CBL: variants seen among roughly 807,000 people sequenced by gnomAD.
The protein encoded by CBL is Cbl proto-oncogene.
CBL carries 45 observed loss-of-function variants against 96.9 expected under a neutral mutation model. The observed-to-expected ratio is 0.46, with a 90% CI of 0.37 to 0.60. CBL has a LOEUF of 0.60. CBL is among the 20% of genes least tolerant of loss of function. The pLI, the probability that CBL is intolerant of heterozygous loss-of-function variation, is 0.00. For synonymous variants in CBL, 420 were observed against 426.8 expected, an observed-to-expected ratio of 0.98 and a Z score of 0.20; for missense variants, 1,024 against 1,143.5, an observed-to-expected ratio of 0.90 and a Z score of 1.51.
At chr11:119,258,260 T>A (rs1196901465) in intron 2 of CBL, among the ~76,000 whole-genome samples, 2 of 151,936 alleles carry the variant, frequency 1.3e-5, no homozygotes, top group African/African-American at 4.8e-5. Flanking sequence ...ACAAAAAGAC[T>A]TGAGACTGTA....
chr11:119,247,585 C>T (rs890559249), intron 2 of CBL, among the ~76,000 whole-genome samples: 6 of 152,084 alleles, frequency 3.9e-5, no homozygotes, highest in African/African-American at 7.2e-5. Flanking sequence ...CCGAGGCAGA[C>T]GGATTGCTTG....
At chr11:119,211,797 C>T (rs1244262737) in intron 1 of CBL, among the ~76,000 whole-genome samples, 2 of 151,944 alleles carry the variant, frequency 1.3e-5, no homozygotes, top group Non-Finnish European at 2.9e-5. Context: ...AGCCACTGTG[C>T]CCGGTTGTTG....
intron 2 of CBL, among the ~76,000 whole-genome samples, chr11:119,246,529 G>A (rs111584689): frequency 0.016 from 2,422 of 152,116 alleles, 57 homozygotes; most frequent in African/African-American, 0.055. Context: ...TCAGCTCACC[G>A]CAACCTCCGC....
intron 2 of CBL, among the ~76,000 whole-genome samples, chr11:119,264,475 CTCTTT>C (rs769691063): frequency 1.0e-4 from 15 of 144,910 alleles, no homozygotes; most frequent in South Asian, 2.2e-4. Context: ...TTCTTCTTTT[CTCTTT>C]TCTTTTCTTT....
intron 9 of CBL, among the ~76,000 whole-genome samples, chr11:119,283,250 T>C (rs1244632793): frequency 6.6e-6 from 1 of 152,256 alleles, no homozygotes; most frequent in African/African-American, 2.4e-5. Flanking sequence ...CTTTTGTCAT[T>C]GAGCTGTTTA....
intron 9 of CBL, among the ~76,000 whole-genome samples, chr11:119,280,318 T>C (rs932540354): frequency 1.3e-5 from 2 of 152,200 alleles, no homozygotes; most frequent in Admixed American, 1.3e-4. Flanking sequence ...TGGTATTTTG[T>C]TTTTTAGCTG....
intron 9 of CBL, among the ~76,000 whole-genome samples, chr11:119,282,251 T>C (rs1326120494): frequency 6.6e-6 from 1 of 150,892 alleles, no homozygotes; most frequent in Non-Finnish European, 1.5e-5. Context: ...GGCCAGAGAA[T>C]GGCTTGAACC....
chr11:119,210,601 CA>C (rs1949308333), intron 1 of CBL, among the ~76,000 whole-genome samples: 4 of 120,576 alleles, frequency 3.3e-5, no homozygotes, highest in South Asian at 2.8e-4. Flanking sequence ...GCTAATTTTT[CA>C]ATTTTTTTTT....
At chr11:119,266,018 C>CAAAAAAAAAAAAAAAA (rs398017759) in intron 2 of CBL, among the ~76,000 whole-genome samples, 1 of 76,012 alleles carries the variant, frequency 1.3e-5, no homozygotes, top group African/African-American at 5.4e-5. Flanking sequence ...GACTCCATCT[C>CAAAAAAAAAAAAAAAA]AAAAAAAAAA....
intron 8 of CBL, 76 bp from the exon 9 acceptor site, chr11:119,278,434 G>A: frequency 6.5e-7 from 1 of 1,528,974 alleles, no homozygotes; most frequent in Non-Finnish European, 9.1e-7. Context: ...TGATCTCTAG[G>A]AAATGTATTT....
chr11:119,301,928 C>G lies in CBL; in HGVS notation c.*2147C>G, dbSNP rs574006776. 7.7e-5 allele frequency: 18 copies of G among 233,180 alleles called. No homozygotes were observed. The Middle Eastern group carries it at 3.8e-3, about 49-fold the overall frequency. The allele number at this position is 233,180 out of a possible 1,614,324, so 14.4% of individuals were successfully genotyped here. A position where few individuals can be genotyped will look rare whatever the true frequency, so the allele number is the denominator to read the frequency against. The stretch of plus-strand genomic sequence containing the variant: ...AAAAAAAAGCAGTTTCCAGGCCCAT[C>G]CATATTGTAATTTTTCTTTATCTGC... On this transcript the variant is annotated 3_prime_UTR_variant, in exon 16 of 16. Coordinates refer to ENST00000264033, the MANE Select transcript of CBL (RefSeq NM_005188.4).
At chr11:119,279,444 G>A (rs899755895) in intron 9 of CBL, among the ~76,000 whole-genome samples, 11 of 151,562 alleles carry the variant, frequency 7.3e-5, no homozygotes, top group Admixed American at 5.9e-4. Context: ...CCAGCAATTC[G>A]ACATAGCAAG....
chr11:119,226,631 C>T (rs1412865656), intron 1 of CBL, among the ~76,000 whole-genome samples: 1 of 151,914 alleles, frequency 6.6e-6, no homozygotes, highest in African/African-American at 2.4e-5. Context: ...CTGATTTTCG[C>T]ATTTTTCATA....
intron 2 of CBL, among the ~76,000 whole-genome samples, chr11:119,257,645 T>C (rs1949721455): frequency 6.6e-6 from 1 of 152,178 alleles, no homozygotes; most frequent in Non-Finnish European, 1.5e-5. Flanking sequence ...AGAAGAGTTT[T>C]TCCTAGGTTT....
chr11:119,285,504 C>T lies in CBL; in HGVS notation c.1879C>T (p.Gln627Ter). The T allele has an allele frequency of 6.2e-7, 1 of 1,614,116 alleles. No homozygotes were observed. The highest frequency in any genetic ancestry group is 8.5e-7 in the Non-Finnish European group (1 of 1,179,996). Reference sequence around the variant, plus strand: ...CTCACTTCCATTTTCATTGCCCTCACAAATGGAGCCCAGACCAGATGTGCC... The same window carrying T: ...CTCACTTCCATTTTCATTGCCCTCATAAATGGAGCCCAGACCAGATGTGCC... ...RHSLPFSLPS[Q>*]MEPRPDVPRL... Residue 627 changes from glutamine to a stop codon, truncating the protein, a stop_gained, in exon 11 of 16, where the codon CAA becomes TAA. Coordinates refer to ENST00000264033, the MANE Select transcript of CBL (RefSeq NM_005188.4). LOFTEE classifies it high-confidence loss of function.
intron 2 of CBL, among the ~76,000 whole-genome samples, chr11:119,249,647 A>G (rs1191620650): frequency 6.9e-6 from 1 of 145,924 alleles, no homozygotes; most frequent in South Asian, 2.5e-4. Flanking sequence ...TTATTTTGGT[A>G]CAGTTTCTTT....
chr11:119,232,794 A>G, intron 2 of CBL, 99 bp downstream of exon 2: 1 of 1,168,034 alleles, frequency 8.6e-7, no homozygotes. Context: ...TTATGTTAGT[A>G]GGAATGGAAA....
At chr11:119,210,747 C>G (rs1222535733) in intron 1 of CBL, among the ~76,000 whole-genome samples, 1 of 151,732 alleles carries the variant, frequency 6.6e-6, no homozygotes, top group African/African-American at 2.4e-5. Context: ...AGCCACCGCG[C>G]CTGGCTCAAT....
intron 12 of CBL, chr11:119,289,766 A>G (rs989147759): frequency 3.3e-5 from 5 of 152,182 alleles, no homozygotes; most frequent in African/African-American, 1.2e-4. Context: ...ATTTAAAGAT[A>G]GGGTCTTGAT....
Sources: allele counts gnomAD v4.1 joint callset (sites outside exome capture counted in the v4.1 genomes callset), GRCh38; gene constraint gnomAD v4.1.1; transcripts MANE v1.5; gene names NCBI Gene and HGNC (gene_info 2026-07-23, HGNC 2026-07-21).